APOL3: variants seen among roughly 807,000 people sequenced by gnomAD.
APOL3 encodes the protein TNF-inducible protein CG12-1.
Under a neutral mutation model 11.6 loss-of-function variants are expected in APOL3, and 14 were observed. The ratio of observed to expected loss-of-function variants is 1.21; its 90% CI spans 0.80 to 1.89. The LOEUF is 1.89. Among genes scored for constraint, APOL3 ranks in the 40% most tolerant of loss-of-function variants. APOL3 has a pLI of 0.00. For missense variants in APOL3, 483 were observed against 492.1 expected (o/e 0.98, Z 0.17); for synonymous variants, 192 against 190.6 (o/e 1.01, Z -0.06).
intron 1 of APOL3, chr22:36,156,887 G>A (rs1603475696): frequency 6.6e-6 from 3 of 452,214 alleles, no homozygotes; most frequent in African/African-American, 2.0e-5. Context: ...GCTGAAATCC[G>A]AGGTGTGGGA....
chr22:36,150,092 A>C, intron 1 of APOL3: 1 of 351,508 alleles, frequency 2.8e-6, no homozygotes, highest in Non-Finnish European at 5.6e-6. Context: ...GATTGCAGGC[A>C]TCAGCCACTA....
At chr22:36,162,009 T>TGGCGGC (rs143146340), upstream of APOL3, among the ~76,000 whole-genome samples, 1 of 152,160 alleles carries the variant, frequency 6.6e-6, no homozygotes, top group African/African-American at 2.4e-5. Context: ...GGAAACCTTC[T>TGGCGGC]GGCGGCGGGT....
At chr22:36,143,343 G>C (rs754355051) in intron 2 of APOL3, among the ~76,000 whole-genome samples, 16 of 152,218 alleles carry the variant, frequency 1.1e-4, no homozygotes, top group African/African-American at 1.7e-4. Context: ...ATTTTAATCT[G>C]TGTTCTTTCC....
intron 1 of APOL3, among the ~76,000 whole-genome samples, chr22:36,148,262 G>A (rs2060290999): frequency 6.6e-6 from 1 of 152,244 alleles, no homozygotes; most frequent in Non-Finnish European, 1.5e-5. Context: ...GTCATCCCTG[G>A]TAAGCAGGTG....
upstream of APOL3, among the ~76,000 whole-genome samples, chr22:36,163,015 C>T (rs552196702): frequency 4.3e-4 from 65 of 152,312 alleles, no homozygotes; most frequent in African/African-American, 1.6e-3. Flanking sequence ...CCCAACATGC[C>T]ACCAATAACT....
intron 1 of APOL3, among the ~76,000 whole-genome samples, chr22:36,157,362 A>G (rs970827670): frequency 5.3e-5 from 8 of 152,334 alleles, no homozygotes; most frequent in African/African-American, 1.9e-4. Context: ...CACACAAAAA[A>G]GTCTTGTTCT....
chr22:36,154,454 G>GT (rs1273060543), intron 1 of APOL3: 4 of 375,952 alleles, frequency 1.1e-5, no homozygotes, highest in Admixed American at 7.1e-5. Context: ...AAGACTTATC[G>GT]TAACAGAGAA....
At chr22:36,164,881 C>T (rs1446939408), upstream of APOL3, 2 of 152,292 alleles carry the variant, frequency 1.3e-5, no homozygotes, top group South Asian at 4.1e-4. Flanking sequence ...CTGTGTTCCC[C>T]CATTACATGA....
intron 1 of APOL3, among the ~76,000 whole-genome samples, chr22:36,158,795 C>T (rs942365647): frequency 3.9e-5 from 6 of 151,942 alleles, no homozygotes; most frequent in African/African-American, 1.5e-4. Flanking sequence ...CCAGCCTGGG[C>T]GACAGAGCAA....
intron 1 of APOL3, chr22:36,146,166 G>A (rs132632): frequency 0.34 from 51,262 of 152,012 alleles, 9,855 homozygotes; most frequent in East Asian, 0.84. Context: ...CCAGAACTGT[G>A]AGAAAATACA....
At chr22:36,156,135 C>A (rs562458816) in intron 1 of APOL3, 34 of 156,898 alleles carry the variant, frequency 2.2e-4, no homozygotes, top group Non-Finnish European at 4.5e-4. Context: ...TGCTCTGTTA[C>A]CCAGGCTGGA....
chr22:36,153,093 A>G (rs1351124890), intron 1 of APOL3, among the ~76,000 whole-genome samples: 3 of 152,280 alleles, frequency 2.0e-5, no homozygotes, highest in Middle Eastern at 3.4e-3. Flanking sequence ...CCTGGGCAAC[A>G]AGAGTGAAAT....
Position 36,155,038 on chromosome 22 carries a change from C to G in APOL3, c.223+5631G>C, listed in dbSNP as rs534744302. Among the ~76,000 whole-genome samples, 77 of 152,332 alleles carry G rather than the reference C, an allele frequency of 5.1e-4. 1 individual carries two copies. In the South Asian group the frequency reaches 0.015, roughly 30 times the overall value. On this transcript the variant is annotated intron_variant, in intron 1 of 2. Coordinates refer to ENST00000349314, the Ensembl canonical transcript of APOL3. ...CCGATGGACCTCCACCTGTGTCCCCCTCACTGAGAAGAATGAACTCAACTG... is the reference window on the plus strand; with the variant it reads ...CCGATGGACCTCCACCTGTGTCCCCGTCACTGAGAAGAATGAACTCAACTG...
At chr22:36,152,832 G>A (rs1451793003) in intron 1 of APOL3, among the ~76,000 whole-genome samples, 2 of 152,174 alleles carry the variant, frequency 1.3e-5, no homozygotes, top group Non-Finnish European at 2.9e-5. Flanking sequence ...AAGCTGGCTA[G>A]GCACACTGGT....
chr22:36,157,585 A>G (rs1458725582), intron 1 of APOL3, among the ~76,000 whole-genome samples: 1 of 152,252 alleles, frequency 6.6e-6, no homozygotes, highest in African/African-American at 2.4e-5. Context: ...ACTTAAAGGG[A>G]AAATTGAATA....
At chr22:36,153,274 T>C (rs2012113534) in intron 1 of APOL3, 1 of 381,744 alleles carries the variant, frequency 2.6e-6, no homozygotes, top group South Asian at 1.9e-5. Flanking sequence ...TAGTAGTTAG[T>C]AACTGCTAAC....
intron 2 of APOL3, among the ~76,000 whole-genome samples, chr22:36,143,935 T>C (rs533492878): frequency 3.3e-5 from 5 of 152,344 alleles, no homozygotes; most frequent in Admixed American, 6.5e-5. Flanking sequence ...TTCTCTTTGG[T>C]TGGGGACTTG....
chr22:36,163,930 G>A (rs912848952), upstream of APOL3, among the ~76,000 whole-genome samples: 4 of 152,168 alleles, frequency 2.6e-5, no homozygotes, highest in Admixed American at 6.5e-5. Flanking sequence ...ACTTTCCCTA[G>A]TGCCTTTTTT....
At chr22:36,160,803 G>C (rs764944061) in exon 1 of APOL3, 1 of 1,613,878 alleles carries the variant, frequency 6.2e-7, no homozygotes, top group South Asian at 1.1e-5. Context: ...GAACCCAAAA[G>C]GGAAAGTGAA....
Sources: allele counts gnomAD v4.1 joint callset (sites outside exome capture counted in the v4.1 genomes callset), GRCh38; gene constraint gnomAD v4.1.1; transcripts MANE v1.5; gene names NCBI Gene and HGNC (gene_info 2026-07-23, HGNC 2026-07-21).